Variants in FAM9B observed in about 807,000 individuals in gnomAD.
FAM9B encodes the protein family with sequence similarity 9 member B.
Under a neutral mutation model 16.6 loss-of-function variants are expected in FAM9B, and 18 were observed. That is an observed-to-expected ratio of 1.09 (90% confidence interval 0.75 to 1.61). FAM9B has a LOEUF of 1.61. Ranked by LOEUF, FAM9B falls within the 40% of genes most tolerant of loss-of-function variation. The pLI is 0.00. For synonymous variants in FAM9B, 43 were observed against 42.6 expected (o/e 1.01, Z -0.03); for missense variants, 155 against 136.0 (o/e 1.14, Z -0.70).
chrX:9,031,724 G>A lies in FAM9B; in HGVS notation c.181+406C>T, dbSNP rs1194543320. ...TCTGTATACCAAAACCCTGTGACATGCAATTTATCTACATAACAAACCTCC... is the reference window on the plus strand; with the variant it reads ...TCTGTATACCAAAACCCTGTGACATACAATTTATCTACATAACAAACCTCC... On this transcript the variant is annotated intron_variant, in intron 4 of 8. Transcript: ENST00000327220. The A allele has an allele frequency of 2.4e-5, 3 of 122,704 alleles. No individual in the cohort carries two copies. The East Asian group carries it at 7.5e-4, about 31-fold the overall frequency. The allele number at this position is 122,704 out of a possible 1,213,427, so 10.1% of individuals were successfully genotyped here. A position where few individuals can be genotyped will look rare whatever the true frequency, so the allele number is the denominator to read the frequency against.
chrX:9,024,383 T>A lies in FAM9B; in HGVS notation c.*1026A>T, dbSNP rs986507844. 60 of 111,837 alleles carry A rather than the reference T, an allele frequency of 5.4e-4. No homozygotes were observed. Among genetic ancestry groups the A allele is most frequent in the Non-Finnish European group, 7.5e-5 (4 of 53,191 alleles). 9.2% of individuals were successfully genotyped at this position (111,837 alleles called of 1,213,427 possible). A position where few individuals can be genotyped will look rare whatever the true frequency, so the allele number is the denominator to read the frequency against. ...TGTTAACAAAATGCTTTCATTCAAT[T>A]CTAAGGGGAGGTATCATTGAATGAT... is the stretch of plus-strand genomic sequence containing the variant. On this transcript the variant is annotated 3_prime_UTR_variant, in exon 9 of 9. Coordinates refer to ENST00000327220, the MANE Select transcript of FAM9B (RefSeq NM_205849.3).
intron 2 of FAM9B, chrX:9,032,720 G>A: frequency 1.9e-6 from 1 of 536,501 alleles, no homozygotes; most frequent in Admixed American, 4.0e-5. Flanking sequence ...TGCACCCATG[G>A]AGAAGAGCTG....
At chrX:9,032,816 G>C (rs1230352164) in intron 2 of FAM9B, 143 bp downstream of exon 2, 4 of 880,863 alleles carry the variant, frequency 4.5e-6, no homozygotes, top group Middle Eastern at 5.8e-4. Context: ...AAAACCTGGC[G>C]CATCTTAGCA....
chrX:9,028,008 T>G (rs749962264), intron 6 of FAM9B, 42 bp from the exon 7 acceptor site: 1 of 954,790 alleles, frequency 1.0e-6, no homozygotes, highest in East Asian at 3.1e-5. Context: ...TTGGGTAAAT[T>G]TTAATACTTA....
At chrX:9,025,613 A>T in intron 7 of FAM9B, 30 bp from the exon 8 acceptor site, 1 of 1,110,754 alleles carries the variant, frequency 9.0e-7, no homozygotes, top group Non-Finnish European at 1.2e-6. Context: ...TCACTGACAA[A>T]CCACCACTTT....
chrX:9,033,705 A>AACCC, intron 1 of FAM9B, 147 bp downstream of exon 1: 6 of 32,549 alleles, frequency 1.8e-4, no homozygotes, highest in Non-Finnish European at 1.9e-4. Flanking sequence ...ACCCTAGCCC[A>AACCC]CCCTCAGGGC....
chrX:9,029,879 G>T (rs1921017802), intron 5 of FAM9B, among the ~76,000 whole-genome samples: 1 of 112,185 alleles, frequency 8.9e-6, no homozygotes, highest in African/African-American at 3.2e-5. Flanking sequence ...AACTAAAATA[G>T]ATAACTTATT....
rs1203613689 is a variant in FAM9B at position 9,029,249 on chromosome X, A to G, written c.393+58T>C. 6.2e-6 allele frequency: 6 copies of G among 961,135 alleles called. No individual in the cohort carries two copies. In the African/African-American group the frequency reaches 9.7e-5, roughly 15 times the overall value. The allele number at this position is 961,135 out of a possible 1,213,427, so 79.2% of individuals were successfully genotyped here. A position where few individuals can be genotyped will look rare whatever the true frequency, so the allele number is the denominator to read the frequency against. On this transcript the variant is annotated intron_variant, in intron 6 of 8. Coordinates refer to ENST00000327220, the MANE Select transcript of FAM9B (RefSeq NM_205849.3). ...TCTTTGCTGGATTTCTGCATGAACT[A>G]TTACTACCTGAGACACTGACATAAC...
intron 7 of FAM9B, among the ~76,000 whole-genome samples, chrX:9,026,529 GATA>G (rs1920968360): frequency 9.0e-6 from 1 of 111,290 alleles, no homozygotes; most frequent in South Asian, 3.8e-4. Context: ...GTTTTAGAAA[GATA>G]ATATTGCCAA....
In FAM9B at chrX:9,033,312, G is replaced by A. The variant is rs1921148151; in HGVS notation, c.-89-237C>T. The stretch of plus-strand genomic sequence containing the variant: ...ACACCTGAACTCCACGGCCTCTGCG[G>A]GATCCTCGCCGCCCTTTTGGGACAG... On this transcript the variant is annotated intron_variant, in intron 1 of 8. Coordinates refer to ENST00000327220, the MANE Select transcript of FAM9B (RefSeq NM_205849.3). 5.4e-5 allele frequency: 57 copies of A among 1,059,211 alleles called. No homozygotes were observed. In the South Asian group the frequency reaches 1.4e-3, roughly 27 times the overall value. 87.3% of individuals were successfully genotyped at this position (1,059,211 alleles called of 1,213,427 possible).
chrX:9,033,695 A>G, intron 1 of FAM9B, 157 bp downstream of exon 1: 1 of 65,859 alleles, frequency 1.5e-5, no homozygotes, highest in Non-Finnish European at 1.8e-5. Context: ...ACCCCAGCCC[A>G]CCCTAGCCCA....
rs779844863 is a variant in FAM9B at position 9,030,261 on chromosome X, CTT to C, written c.279_280del (p.Arg94AlafsTer4). On this transcript the variant is annotated frameshift_variant and splice_region_variant, in exon 5 of 9. Transcript: ENST00000327220. LOFTEE classifies it high-confidence loss of function. ...TATGCAAAAAAGCCAACAGTCATAC[CTT>C]TTAAGTTGCTTTTTTCTCAAAGCAT... 1 of 1,193,206 alleles carries C rather than the reference CTT, an allele frequency of 8.4e-7. No individual in the cohort carries two copies. Among genetic ancestry groups the C allele is most frequent in the Non-Finnish European group, 1.1e-6 (1 of 886,482 alleles).
In FAM9B at chrX:9,033,084, C is replaced by G. The variant is rs748974724; in HGVS notation, c.-89-9G>C. The stretch of plus-strand genomic sequence containing the variant: ...AGAGGCGATCCCCGAACCTGGTGAG[C>G]GCAAAGACACACTAAGGAAGCTAAG... On this transcript the variant is annotated splice_polypyrimidine_tract_variant and intron_variant, in intron 1 of 8. Transcript: ENST00000327220. The G allele has an allele frequency of 8.3e-7, 1 of 1,204,407 alleles. No individual in the cohort carries two copies.
intron 7 of FAM9B, among the ~76,000 whole-genome samples, chrX:9,026,017 C>T (rs192628598): frequency 1.1e-3 from 118 of 111,517 alleles, no homozygotes; most frequent in African/African-American, 3.4e-3. Context: ...TTAGAGAAAA[C>T]GTAACTGTGT....
intron 4 of FAM9B, 156 bp downstream of exon 4, chrX:9,031,974 A>G: frequency 2.2e-6 from 1 of 447,426 alleles, no homozygotes; most frequent in Admixed American, 4.6e-5. Context: ...GGTAAGAAAA[A>G]TTTATCAAAT....
Position 9,024,994 on chromosome X carries a change from T to C in FAM9B, c.*415A>G, listed in dbSNP as rs1279106658. 3 of 112,920 alleles carry C rather than the reference T, an allele frequency of 2.7e-5. No individual in the cohort carries two copies. Among genetic ancestry groups the C allele is most frequent in the Admixed American group, 9.4e-5 (1 of 10,649 alleles). The allele number at this position is 112,920 out of a possible 1,213,427, so 9.3% of individuals were successfully genotyped here. On this transcript the variant is annotated 3_prime_UTR_variant, in exon 9 of 9. Coordinates refer to ENST00000327220, the MANE Select transcript of FAM9B (RefSeq NM_205849.3). ...ACCACACCCAGCAGATATTGTCTTC[T>C]TTTATTAGAGAAAAATGTACTTTTC...
At chrX:9,032,840 C>T in intron 2 of FAM9B, 119 bp downstream of exon 2, 1 of 1,029,274 alleles carries the variant, frequency 9.7e-7, no homozygotes, top group Non-Finnish European at 1.3e-6. Flanking sequence ...GCACAATGGA[C>T]TCCAGAGCCA....
chrX:9,027,957 G>C lies in FAM9B; in HGVS notation c.403C>G (p.Gln135Glu), dbSNP rs764567335. ...TGTTGCCACTTCTTCTGTTGTTCTTGAAATATTCTCTAGAATCCCAAAACA... is the reference window on the plus strand; with the variant it reads ...TGTTGCCACTTCTTCTGTTGTTCTTCAAATATTCTCTAGAATCCCAAAACA... ...GEEEELIRIF[Q>E]EQQKKWQQYR... is the part of the protein sequence containing the mutation. Residue 135 changes from glutamine (Q) to glutamate (E), a missense_variant, in exon 7 of 9, where the codon CAA becomes GAA. Transcript: ENST00000327220. 3.3e-6 allele frequency: 4 copies of C among 1,199,492 alleles called. No homozygotes were observed. The highest frequency in any genetic ancestry group is 4.5e-6 in the Non-Finnish European group (4 of 885,641).
At chrX:9,027,782 T>G (rs1338758057) in intron 7 of FAM9B, 86 bp downstream of exon 7, 3 of 722,744 alleles carry the variant, frequency 4.2e-6, no homozygotes, top group Non-Finnish European at 6.5e-6. Context: ...TCAAATGTCT[T>G]TCCATACATT....
Sources: allele counts gnomAD v4.1 joint callset (sites outside exome capture counted in the v4.1 genomes callset), GRCh38; gene constraint gnomAD v4.1.1; transcripts MANE v1.5; gene names NCBI Gene and HGNC (gene_info 2026-07-23, HGNC 2026-07-21).